Variants in SGCZ observed in about 807,000 individuals in gnomAD.
SGCZ encodes the protein zeta-sarcoglycan.
In SGCZ, 40 loss-of-function variants were observed where a neutral mutation model predicts 41.3. The observed-to-expected ratio is 0.97, with a 90% CI of 0.75 to 1.26. The LOEUF is 1.26. Ranked by LOEUF, SGCZ falls within the 50% of genes most tolerant of loss-of-function variation. SGCZ has a pLI of 0.00. For missense variants in SGCZ, 552 were observed against 369.8 expected (o/e 1.49, Z -4.04); for synonymous variants, 206 against 137.5 (o/e 1.50, Z -3.49).
At chr8:14,119,072 A>G (rs1319757845) in intron 5 of SGCZ, among the ~76,000 whole-genome samples, 3 of 152,112 alleles carry the variant, frequency 2.0e-5, no homozygotes, top group Non-Finnish European at 2.9e-5. Flanking sequence ...TATGAAATTT[A>G]CAGTTGTTTT....
intron 1 of SGCZ, among the ~76,000 whole-genome samples, chr8:15,095,130 C>A (rs772840715): frequency 4.6e-5 from 7 of 152,074 alleles, no homozygotes; most frequent in Non-Finnish European, 1.0e-4. Context: ...TGGAGATTCA[C>A]TCTTGTTGCC....
At chr8:14,241,085 C>CT (rs1438847859) in intron 3 of SGCZ, among the ~76,000 whole-genome samples, 1 of 151,994 alleles carries the variant, frequency 6.6e-6, no homozygotes, top group African/African-American at 2.4e-5. Flanking sequence ...AGTTTTATGT[C>CT]TTTTTTCTTG....
At chr8:14,419,250 T>C (rs893209992) in intron 2 of SGCZ, among the ~76,000 whole-genome samples, 7 of 151,962 alleles carry the variant, frequency 4.6e-5, no homozygotes, top group African/African-American at 7.2e-5. Context: ...AACATCCATA[T>C]CTGGGTTATT....
intron 1 of SGCZ, among the ~76,000 whole-genome samples, chr8:14,591,934 A>G (rs1024407324): frequency 1.3e-5 from 2 of 152,166 alleles, no homozygotes; most frequent in Admixed American, 1.3e-4. Flanking sequence ...CAGGGAGGAC[A>G]GCAGCTGAGG....
chr8:14,581,422 C>T (rs1804884425), intron 1 of SGCZ, among the ~76,000 whole-genome samples: 1 of 151,864 alleles, frequency 6.6e-6, no homozygotes, highest in South Asian at 2.1e-4. Context: ...CCTTTGCTTA[C>T]TATGTTTTTT....
chr8:14,570,293 T>A (rs1804512023), intron 1 of SGCZ, among the ~76,000 whole-genome samples: 1 of 152,200 alleles, frequency 6.6e-6, no homozygotes, highest in Admixed American at 6.5e-5. Flanking sequence ...TCTGATTGAA[T>A]AAAATTTGTC....
At position 14,602,037 on chromosome 8, in the gene SGCZ, A is replaced by G. The variant is rs368220645; in HGVS notation, c.40-47111T>C. 8.2e-3 allele frequency among the ~76,000 whole-genome samples: 1,243 copies of G among 152,038 alleles called. 14 individuals carry two copies. Among genetic ancestry groups the G allele is most frequent in the South Asian group, 0.028 (135 of 4,818 alleles). On this transcript the variant is annotated intron_variant, in intron 1 of 7. Coordinates refer to ENST00000382080, the MANE Select transcript of SGCZ (RefSeq NM_139167.4). ...CGGGAGGCTGAGGCAGGAGAATGGCATGAACCCGGGAGGCGGAGCTTGCAG... is the reference window on the plus strand; with the variant it reads ...CGGGAGGCTGAGGCAGGAGAATGGCGTGAACCCGGGAGGCGGAGCTTGCAG...
At chr8:14,683,440 T>A (rs1243430866) in intron 1 of SGCZ, among the ~76,000 whole-genome samples, 2 of 152,154 alleles carry the variant, frequency 1.3e-5, no homozygotes, top group Non-Finnish European at 2.9e-5. Flanking sequence ...ATATTTATCC[T>A]TTAATGGCAG....
At chr8:14,696,528 G>A (rs1440330737) in intron 1 of SGCZ, among the ~76,000 whole-genome samples, 2 of 152,108 alleles carry the variant, frequency 1.3e-5, no homozygotes, top group East Asian at 1.9e-4. Context: ...AAGGCAAAAT[G>A]TTACTGAACA....
At chr8:14,332,251 C>A (rs187724977) in intron 2 of SGCZ, among the ~76,000 whole-genome samples, 1 of 151,800 alleles carries the variant, frequency 6.6e-6, no homozygotes, top group Non-Finnish European at 1.5e-5. Context: ...CTGGCTAACA[C>A]GGTGAAACCC....
intron 1 of SGCZ, among the ~76,000 whole-genome samples, chr8:14,965,353 T>G (rs1801098999): frequency 6.6e-6 from 1 of 152,138 alleles, no homozygotes; most frequent in Non-Finnish European, 1.5e-5. Context: ...CATTTTTGAT[T>G]GGGATTTGAC....
chr8:14,617,821 A>G (rs530250364), intron 1 of SGCZ, among the ~76,000 whole-genome samples: 28 of 149,994 alleles, frequency 1.9e-4, no homozygotes, highest in African/African-American at 6.9e-4. Context: ...AAGATGGAAA[A>G]GTAAGTTTTT....
At chr8:14,909,706 C>G (rs1011439524) in intron 1 of SGCZ, among the ~76,000 whole-genome samples, 42 of 152,038 alleles carry the variant, frequency 2.8e-4, no homozygotes, top group African/African-American at 9.9e-4. Context: ...ATAACTCAGC[C>G]TGGTTTGCAT....
intron 1 of SGCZ, among the ~76,000 whole-genome samples, chr8:15,031,015 C>G (rs1438240267): frequency 6.6e-6 from 1 of 151,938 alleles, no homozygotes. Flanking sequence ...GGAAATAAAT[C>G]CGAATTTTAT....
intron 1 of SGCZ, among the ~76,000 whole-genome samples, chr8:14,759,623 C>T (rs939729634): frequency 5.3e-5 from 8 of 152,014 alleles, no homozygotes; most frequent in African/African-American, 2.4e-5. Flanking sequence ...ACTTGATTAC[C>T]TTTTGTATCA....
chr8:15,208,894 C>T (rs199595265), intron 1 of SGCZ, among the ~76,000 whole-genome samples: 58 of 146,214 alleles, frequency 4.0e-4, no homozygotes, highest in South Asian at 3.3e-3. Flanking sequence ...TATCCCTATA[C>T]ATATATATAG....
intron 1 of SGCZ, among the ~76,000 whole-genome samples, chr8:14,905,774 T>C (rs1041448446): frequency 6.6e-6 from 1 of 151,582 alleles, no homozygotes; most frequent in African/African-American, 2.4e-5. Context: ...AGACACTCAA[T>C]TAAACATTGA....
At chr8:15,049,687 T>A (rs1302728807) in intron 1 of SGCZ, among the ~76,000 whole-genome samples, 1 of 152,066 alleles carries the variant, frequency 6.6e-6, no homozygotes, top group Admixed American at 6.6e-5. Flanking sequence ...GTGATATAGT[T>A]TGGCTGTGTC....
At chr8:14,186,276 T>C (rs1804898771) in intron 4 of SGCZ, among the ~76,000 whole-genome samples, 1 of 152,208 alleles carries the variant, frequency 6.6e-6, no homozygotes, top group South Asian at 2.1e-4. Flanking sequence ...AAATATTTAT[T>C]GAAGAAAATT....
Sources: allele counts gnomAD v4.1 joint callset (sites outside exome capture counted in the v4.1 genomes callset), GRCh38; gene constraint gnomAD v4.1.1; transcripts MANE v1.5; gene names NCBI Gene and HGNC (gene_info 2026-07-23, HGNC 2026-07-21).